MROH9: variants seen among roughly 807,000 people sequenced by gnomAD.
MROH9 encodes the protein maestro heat like repeat family member 9.
Under a neutral mutation model 98.2 loss-of-function variants are expected in MROH9, and 92 were observed. The observed-to-expected ratio is 0.94, with a 90% CI of 0.79 to 1.11. The LOEUF (loss-of-function observed/expected upper bound fraction) is 1.11. Among genes scored for constraint, MROH9 ranks in the 50% most tolerant of loss-of-function variants. The pLI is 0.00. For synonymous variants in MROH9, 397 were observed against 368.9 expected (o/e 1.08, Z -0.87); for missense variants, 1,057 against 1,014.8 (o/e 1.04, Z -0.57).
chr1:171,048,202 G>T (rs904239150), intron 20 of MROH9, among the ~76,000 whole-genome samples: 1 of 152,148 alleles, frequency 6.6e-6, no homozygotes, highest in Non-Finnish European at 1.5e-5. Flanking sequence ...ATTGGCATGT[G>T]GCAAAGCCAG....
intron 20 of MROH9, among the ~76,000 whole-genome samples, chr1:171,032,023 A>G (rs937728953): frequency 6.6e-6 from 1 of 152,054 alleles, no homozygotes; most frequent in African/African-American, 2.4e-5. Context: ...TTATTTCAGT[A>G]AGGTGGTCTT....
intron 5 of MROH9, among the ~76,000 whole-genome samples, chr1:170,961,234 A>G (rs570967163): frequency 6.6e-6 from 1 of 152,360 alleles, no homozygotes; most frequent in African/African-American, 2.4e-5. Flanking sequence ...AAGTATACGT[A>G]CAAGAGTATC....
At chr1:171,008,760 G>A (rs574156727) in intron 15 of MROH9, among the ~76,000 whole-genome samples, 3 of 152,032 alleles carry the variant, frequency 2.0e-5, no homozygotes, top group African/African-American at 4.8e-5. Context: ...TAGCAAGACC[G>A]TATCTCTTTT....
chr1:171,060,718 T>C (rs1006133676), intron 20 of MROH9, among the ~76,000 whole-genome samples: 1 of 152,186 alleles, frequency 6.6e-6, no homozygotes, highest in Non-Finnish European at 1.5e-5. Flanking sequence ...CCCAACTTCA[T>C]GCTGTATAAC....
At chr1:171,016,700 T>C (rs1471064447) in intron 17 of MROH9, among the ~76,000 whole-genome samples, 1 of 152,186 alleles carries the variant, frequency 6.6e-6, no homozygotes, top group Admixed American at 6.5e-5. Context: ...GTATCACTTT[T>C]TCCCCATCTA....
intron 8 of MROH9, among the ~76,000 whole-genome samples, chr1:170,974,046 G>A (rs1650586417): frequency 6.6e-6 from 1 of 152,088 alleles, no homozygotes; most frequent in African/African-American, 2.4e-5. Flanking sequence ...TCTCTGGCAT[G>A]GATTAACAAA....
intron 20 of MROH9, among the ~76,000 whole-genome samples, chr1:171,028,823 G>T (rs1037930557): frequency 1.3e-5 from 2 of 152,168 alleles, no homozygotes; most frequent in Non-Finnish European, 2.9e-5. Context: ...TTGGCTCTCT[G>T]TGTGTCTATC....
chr1:170,999,748 G>T (rs1288896166), intron 15 of MROH9, among the ~76,000 whole-genome samples: 1 of 151,978 alleles, frequency 6.6e-6, no homozygotes, highest in Non-Finnish European at 1.5e-5. Context: ...TTCTTTAAGG[G>T]ATCTCCACAC....
intron 20 of MROH9, among the ~76,000 whole-genome samples, chr1:171,058,140 A>C (rs1379309836): frequency 1.3e-5 from 2 of 152,174 alleles, no homozygotes; most frequent in African/African-American, 4.8e-5. Flanking sequence ...ACTTTAGCAA[A>C]GTGTCAGGAT....
intron 15 of MROH9, among the ~76,000 whole-genome samples, chr1:171,002,490 A>G (rs1341739164): frequency 6.6e-6 from 1 of 152,172 alleles, no homozygotes; most frequent in Non-Finnish European, 1.5e-5. Context: ...TCTGAAAACA[A>G]CTGTATCTTT....
At chr1:170,982,364 T>A (rs183037045) in intron 8 of MROH9, among the ~76,000 whole-genome samples, 52 of 152,268 alleles carry the variant, frequency 3.4e-4, no homozygotes, top group African/African-American at 1.1e-3. Flanking sequence ...GTATATATGG[T>A]ATGATCCACT....
intron 20 of MROH9, among the ~76,000 whole-genome samples, chr1:171,048,940 G>A (rs554814250): frequency 7.9e-5 from 12 of 152,248 alleles, no homozygotes; most frequent in East Asian, 3.9e-4. Context: ...TAGAAATGTC[G>A]TCTGGGAACT....
chr1:171,055,038 A>G (rs1653792289), intron 20 of MROH9, among the ~76,000 whole-genome samples: 1 of 152,268 alleles, frequency 6.6e-6, no homozygotes, highest in Admixed American at 6.5e-5. Context: ...ATTATAAAAA[A>G]AAAAAAAAAG....
chr1:170,980,283 C>G (rs1177274880), intron 8 of MROH9, among the ~76,000 whole-genome samples: 1 of 152,144 alleles, frequency 6.6e-6, no homozygotes, highest in Non-Finnish European at 1.5e-5. Flanking sequence ...AGAGCCAAGA[C>G]AGTCCTAAGC....
At chr1:170,981,648 A>G (rs547176604) in intron 8 of MROH9, among the ~76,000 whole-genome samples, 21 of 151,976 alleles carry the variant, frequency 1.4e-4, no homozygotes, top group African/African-American at 5.1e-4. Flanking sequence ...GGACGGGTCA[A>G]TAGGTGCAGC....
chr1:171,007,136 TCA>T (rs1557895560), intron 15 of MROH9, among the ~76,000 whole-genome samples: 1 of 152,230 alleles, frequency 6.6e-6, no homozygotes, highest in Admixed American at 6.5e-5. Context: ...CTTTTCCTTT[TCA>T]CACCTGGGCT....
intron 9 of MROH9, among the ~76,000 whole-genome samples, chr1:170,984,952 G>A (rs1424236148): frequency 3.9e-5 from 6 of 152,100 alleles, no homozygotes; most frequent in East Asian, 1.9e-4. Flanking sequence ...AGGGGCAGAA[G>A]CAGCAAGGTT....
rs1571483682 is a variant in MROH9 at position 170,992,031 on chromosome 1, C to T, written c.1029-133C>T. Reference sequence around the variant, plus strand: ...ATTTGGAAATAGGAATCTCAGTTTGCTTTGGACATGTCTGCAGTGTCTTTG... The same window carrying T: ...ATTTGGAAATAGGAATCTCAGTTTGTTTTGGACATGTCTGCAGTGTCTTTG... On this transcript the variant is annotated intron_variant, in intron 11 of 21. Coordinates refer to ENST00000367759, the MANE Select transcript of MROH9 (RefSeq NM_001163629.2). 29 of 799,364 alleles carry T rather than the reference C, an allele frequency of 3.6e-5. No homozygotes were observed. The East Asian group carries it at 9.2e-4, about 25-fold the overall frequency. 49.5% of individuals were successfully genotyped at this position (799,364 alleles called of 1,614,324 possible).
intron 3 of MROH9, among the ~76,000 whole-genome samples, chr1:170,955,203 T>C (rs992922625): frequency 2.0e-5 from 3 of 150,720 alleles, no homozygotes; most frequent in Non-Finnish European, 3.0e-5. Flanking sequence ...ATACCACAGT[T>C]TCTTTATCCA....
Sources: allele counts gnomAD v4.1 joint callset (sites outside exome capture counted in the v4.1 genomes callset), GRCh38; gene constraint gnomAD v4.1.1; transcripts MANE v1.5; gene names NCBI Gene and HGNC (gene_info 2026-07-23, HGNC 2026-07-21).